The following NIN variants were observed in gnomAD, a reference collection of about 807,000 sequenced individuals.
The protein encoded by NIN is glycogen synthase kinase 3 beta-interacting protein.
A neutral mutation model predicts 257.6 loss-of-function variants in NIN; 137 were observed. The observed-to-expected ratio is 0.53, with a 90% CI of 0.46 to 0.61. The LOEUF (loss-of-function observed/expected upper bound fraction) is 0.61. Among genes scored for constraint, NIN ranks in the 20% least tolerant of loss-of-function variants. The probability of loss-of-function intolerance (pLI) is 0.00; values close to 1 mark genes in which losing one functional copy is unlikely to be tolerated. For missense variants in NIN, 2,439 were observed against 2,501.2 expected, an observed-to-expected ratio of 0.98 and a Z score of 0.53; for synonymous variants, 918 against 919.8, an observed-to-expected ratio of 1.00 and a Z score of 0.04.
intron 27 of NIN, among the ~76,000 whole-genome samples, chr14:50,737,880 G>A (rs143565171): frequency 0.015 from 2,254 of 152,080 alleles, 60 homozygotes; most frequent in African/African-American, 0.05. Flanking sequence ...CTCCTGACTT[G>A]GTGATCTGCC....
At chr14:50,731,595 G>A (rs2140371339) in intron 28 of NIN, among the ~76,000 whole-genome samples, 1 of 152,004 alleles carries the variant, frequency 6.6e-6, no homozygotes, top group South Asian at 2.1e-4. Context: ...CAGCACTCTG[G>A]GAGGCCAAGG....
Position 50,752,538 on chromosome 14 carries a change from G to A in NIN, c.4930C>T (p.Leu1644=). Residue 1644 remains leucine (L), a synonymous_variant, in exon 21 of 31, where the codon CTG becomes TTG. Transcript: ENST00000530997. ...CATACCTGCACTTTACAACGTTCCA[G>A]TTCTTCTTTCAGATTAAACTTCTCT... is the stretch of plus-strand genomic sequence containing the variant. ...EQEKFNLKEE[L]ERCKVQSSTL... 6.2e-7 allele frequency: 1 copy of A among 1,613,796 alleles called. No individual in the cohort carries two copies. The highest frequency in any genetic ancestry group is 8.5e-7 in the Non-Finnish European group (1 of 1,179,792).
chr14:50,729,295 G>C (rs1258863704), intron 29 of NIN, among the ~76,000 whole-genome samples: 1 of 150,006 alleles, frequency 6.7e-6, no homozygotes, highest in Admixed American at 6.6e-5. Context: ...GTCTTGCTAT[G>C]ATGCCCAGGC....
chr14:50,723,752 C>T (rs1466463279), intron 30 of NIN, 80 bp from the exon 31 acceptor site: 2 of 1,228,160 alleles, frequency 1.6e-6, no homozygotes, highest in Non-Finnish European at 2.3e-6. Flanking sequence ...GACATAAGGA[C>T]AGTTGTTTTA....
chr14:50,825,138 G>A (rs1309599694), intron 2 of NIN, among the ~76,000 whole-genome samples: 1 of 152,176 alleles, frequency 6.6e-6, no homozygotes, highest in African/African-American at 2.4e-5. Flanking sequence ...TCCAGAGAAA[G>A]CTGATACAAG....
rs767771753 is a variant in NIN, at chr14:50,759,866, T to G, written c.2390A>C (p.Gln797Pro). The G allele has an allele frequency of 6.2e-7, 1 of 1,608,038 alleles. No individual in the cohort carries two copies. Reference protein sequence around the residue: ...ELLEKHQRELQEGREKMETEC... With the variant: ...ELLEKHQRELPEGREKMETEC... Reference sequence around the variant, plus strand: ...CCCTTCACTTTCTTACCTTCCCTCCTGAAGCTCCCTTTGGTGCTTTTCCAA... The same window carrying G: ...CCCTTCACTTTCTTACCTTCCCTCCGGAAGCTCCCTTTGGTGCTTTTCCAA... Residue 797 changes from glutamine (Q) to proline (P), a missense_variant, in exon 17 of 31, where the codon CAG becomes CCG. Physicochemically the swap from Gln to Pro is moderately conservative, Grantham distance 76. Transcript: ENST00000530997.
intron 3 of NIN, among the ~76,000 whole-genome samples, chr14:50,811,731 C>T (rs758772512): frequency 4.6e-5 from 7 of 151,740 alleles, no homozygotes; most frequent in Non-Finnish European, 7.4e-5. Context: ...GAAATCCCAT[C>T]TCTACTAAAA....
chr14:50,747,137 G>A (rs2041583019), intron 22 of NIN, among the ~76,000 whole-genome samples: 1 of 152,208 alleles, frequency 6.6e-6, no homozygotes, highest in South Asian at 2.1e-4. Flanking sequence ...TTACAGGCAT[G>A]AGCCACTGCG....
In NIN at chr14:50,766,414, C is replaced by A. The variant is rs1382235779; in HGVS notation, c.1546-18G>T. 6.2e-7 allele frequency: 1 copy of A among 1,612,368 alleles called. No individual in the cohort carries two copies. The highest frequency in any genetic ancestry group is 1.1e-5 in the South Asian group (1 of 91,048). On this transcript the variant is annotated intron_variant, in intron 13 of 30. Coordinates refer to ENST00000530997, the MANE Select transcript of NIN (RefSeq NM_020921.4). ...TCACCAAACTAGAAGGGGAAAAGGG[C>A]AAAGCTGTCATTTTTCCCGAGTGCC... is the stretch of plus-strand genomic sequence containing the variant.
At chr14:50,802,199 T>A (rs1273161381) in intron 4 of NIN, among the ~76,000 whole-genome samples, 2 of 152,238 alleles carry the variant, frequency 1.3e-5, no homozygotes, top group African/African-American at 2.4e-5. Context: ...GCAATGCTAA[T>A]CAGTTTGGAA....
At chr14:50,817,971 C>T (rs546644431) in intron 3 of NIN, among the ~76,000 whole-genome samples, 18 of 151,724 alleles carry the variant, frequency 1.2e-4, no homozygotes, top group African/African-American at 4.3e-4. Context: ...CTGCCTCGGC[C>T]TCCCAAAGTG....
At chr14:50,759,589 G>A (rs984875962) in intron 17 of NIN, among the ~76,000 whole-genome samples, 7 of 151,924 alleles carry the variant, frequency 4.6e-5, no homozygotes, top group African/African-American at 1.7e-4. Flanking sequence ...CGCCTCCCGG[G>A]TTCACGCCAT....
intron 21 of NIN, among the ~76,000 whole-genome samples, chr14:50,751,145 C>A (rs2041771687): frequency 6.6e-6 from 1 of 152,028 alleles, no homozygotes; most frequent in African/African-American, 2.4e-5. Context: ...ATGGACATAA[C>A]CCCCACATGT....
intron 4 of NIN, among the ~76,000 whole-genome samples, chr14:50,801,515 C>A (rs146217169): frequency 1.9e-3 from 295 of 152,326 alleles, no homozygotes; most frequent in African/African-American, 6.8e-3. Flanking sequence ...CAGAACGAGC[C>A]TTTGGGCCAT....
chr14:50,731,979 A>G (rs1001459236), intron 28 of NIN, among the ~76,000 whole-genome samples: 2 of 152,218 alleles, frequency 1.3e-5, no homozygotes, highest in African/African-American at 2.4e-5. Context: ...GGTACACAAG[A>G]GACTCGAGAA....
Position 50,757,548 on chromosome 14 carries a change from C to A in NIN, c.3482G>T (p.Ser1161Ile). 6.2e-7 allele frequency: 1 copy of A among 1,614,154 alleles called. No homozygotes were observed. The highest frequency in any genetic ancestry group is 2.2e-5 in the East Asian group (1 of 44,880). Residue 1161 changes from serine to isoleucine, a missense_variant, in exon 18 of 31, where the codon AGC (serine) becomes ATC (isoleucine). By Grantham distance (142) the Ser-to-Ile change is moderately radical. Around this residue, in one of 3 missense-constraint regions of NIN, gnomAD observed 2,043 missense variants for 2,050.2 expected, o/e 1.00. Transcript: ENST00000530997. ...TTTGACTTCCTGTCTCTGAACAGAG[C>A]TCGTCCCTGTACTTCCCAGGTCCCG... ...EVRDLGSTGT[S>I]SVQRQEVKIE...
intron 20 of NIN, among the ~76,000 whole-genome samples, chr14:50,753,314 C>A (rs1049530858): frequency 6.6e-6 from 1 of 152,168 alleles, no homozygotes; most frequent in African/African-American, 2.4e-5. Context: ...ACAGGAGAAT[C>A]GCTTGAACCC....
intron 5 of NIN, chr14:50,792,469 A>G: frequency 2.0e-6 from 1 of 498,330 alleles, no homozygotes; most frequent in South Asian, 2.7e-5. Context: ...CCTGAACTCT[A>G]AATGTGTACA....
intron 4 of NIN, among the ~76,000 whole-genome samples, chr14:50,803,120 G>A (rs766203440): frequency 1.1e-4 from 17 of 152,278 alleles, no homozygotes; most frequent in African/African-American, 2.2e-4. Flanking sequence ...TTGGGAGGCC[G>A]AGGCAGGTAG....
Sources: gnomAD v4.1 joint callset for allele counts (sites outside exome capture counted in the v4.1 genomes callset) on GRCh38, gnomAD v4.1.1 for gene constraint, gnomAD v4.1.1 regional missense constraint, MANE v1.5 for transcripts, NCBI Gene and HGNC (gene_info 2026-07-23, HGNC 2026-07-21) for gene names.